Variants in C6orf15 observed in about 807,000 individuals in gnomAD.
C6orf15 encodes chromosome 6 open reading frame 15, also known as uncharacterized protein C6orf15.
A neutral mutation model predicts 2.8 loss-of-function variants in C6orf15; 5 were observed. That is an observed-to-expected ratio of 1.80 (90% CI 0.94 to 3.78). The LOEUF (loss-of-function observed/expected upper bound fraction) is 3.78. Ranked by LOEUF, C6orf15 falls within the 30% of genes most tolerant of loss-of-function variation. The pLI, the probability that C6orf15 is intolerant of heterozygous loss-of-function variation, is 0.00. For synonymous variants in C6orf15, 145 were observed against 163.2 expected (o/e 0.89, Z 0.85); for missense variants, 363 against 418.8 (o/e 0.87, Z 1.16).
rs1299760423 is a variant in C6orf15, at chr6:31,111,245, T to C, written c.*136A>G. ...AAATTCCATAAGTGCTTTTATTTTA[T>C]TGGAGATGAGCAGGGGAGGCACTGA... On this transcript the variant is annotated 3_prime_UTR_variant, in exon 2 of 2. Transcript: ENST00000259870. 2.7e-6 allele frequency: 2 copies of C among 750,694 alleles called. No individual in the cohort carries two copies. The highest frequency in any genetic ancestry group is 1.8e-5 in the African/African-American group (1 of 56,534). 46.5% of individuals were successfully genotyped at this position (750,694 alleles called of 1,614,324 possible).
Position 31,111,742 on chromosome 6 carries a change from T to TACCC in C6orf15, c.616_617insGGGT (p.Asp206GlyfsTer32), listed in dbSNP as rs769110438. The TACCC allele has an allele frequency of 1.9e-6, 3 of 1,611,894 alleles. No individual in the cohort carries two copies. The South Asian group carries it at 3.3e-5, about 18-fold the overall frequency. On this transcript the variant is annotated frameshift_variant, in exon 2 of 2. Transcript: ENST00000259870. LOFTEE classifies it low-confidence loss of function (END_TRUNC). ...GGGATTCAGGGTACCCCAGGGGTGA[T>TACCC]CAGGCAGAACCCTGTGGATGAGAGA...
chr6:31,112,465 C>A, intron 1 of C6orf15, 24 bp downstream of exon 1: 1 of 1,541,492 alleles, frequency 6.5e-7, no homozygotes, highest in Non-Finnish European at 8.8e-7. Flanking sequence ...TCCCTCCTGC[C>A]CAAGGGCATC....
intron 1 of C6orf15, 51 bp from the exon 2 acceptor site, chr6:31,112,342 C>T: frequency 6.5e-7 from 1 of 1,548,528 alleles, no homozygotes; most frequent in Middle Eastern, 1.7e-4. Flanking sequence ...CCCCGAGTCC[C>T]CAGTTCCCTT....
Position 31,111,968 on chromosome 6 carries a change from G to A in C6orf15, c.391C>T (p.Leu131=), listed in dbSNP as rs1383501957. 2 of 1,613,104 alleles carry A rather than the reference G, an allele frequency of 1.2e-6. No individual in the cohort carries two copies. The highest frequency in any genetic ancestry group is 1.7e-5 in the Admixed American group (1 of 60,002). Residue 131 remains leucine (L), a synonymous_variant, in exon 2 of 2, where the codon CTG becomes TTG. Coordinates refer to ENST00000259870, the MANE Select transcript of C6orf15 (RefSeq NM_014070.3). ...AAAEDRLGEA[L]PEELSYLSSA... ...GAGAGGTAAGAGAGTTCTTCAGGCA[G>A]CGCTTCCCCCAGGCGGTCCTCAGCC...
rs1201147751 is a variant in C6orf15, at chr6:31,111,941, T to G, written c.418A>C (p.Ser140Arg). The G allele has an allele frequency of 6.2e-7, 1 of 1,612,984 alleles. No homozygotes were observed. The highest frequency in any genetic ancestry group is 8.5e-7 in the Non-Finnish European group (1 of 1,179,966). Residue 140 changes from serine to arginine, a missense_variant, in exon 2 of 2, where the codon AGT (serine) becomes CGT (arginine). Coordinates refer to ENST00000259870, the MANE Select transcript of C6orf15 (RefSeq NM_014070.3). ...ALPEELSYLS[S>R]AAALAPGSGP... is the part of the protein sequence containing the mutation. ...CTGCCCGGAGCGAGGGCCGCAGCAC[T>G]GGAGAGGTAAGAGAGTTCTTCAGGC...
intron 1 of C6orf15, 98 bp downstream of exon 1, chr6:31,112,391 C>T: frequency 2.1e-6 from 3 of 1,451,588 alleles, no homozygotes; most frequent in South Asian, 2.6e-5. Context: ...CCCTCAGGGA[C>T]CTAAATGTGT....
rs766999136 is a variant in C6orf15, at chr6:31,111,595, C to T, written c.764G>A (p.Arg255Gln). 20 of 1,607,398 alleles carry T rather than the reference C, an allele frequency of 1.2e-5. No individual in the cohort carries two copies. The highest frequency in any genetic ancestry group is 4.1e-5 in the African/African-American group (3 of 72,636). The change falls in exon 2 of 2, where the codon CGG becomes CAG. Residue 255 changes from arginine (R) to glutamine (Q), a missense_variant. Arg to Gln is a conservative substitution (Grantham distance 43). Transcript: ENST00000259870. ...PPGTSWGNIN[R>Q]YPGGSWGNIN... ...ATTTCCCCAGCTGCCTCCTGGATACCGATTAATATTTCCCCAGCTGGTACC... is the reference window on the plus strand; with the variant it reads ...ATTTCCCCAGCTGCCTCCTGGATACTGATTAATATTTCCCCAGCTGGTACC...
Position 31,111,764 on chromosome 6 carries a change from G to T in C6orf15, c.595C>A (p.Leu199Ile). 6.2e-7 allele frequency: 1 copy of T among 1,612,832 alleles called. No homozygotes were observed. ...KILSQRPPWS[L>I]IHRVLPDHPW... ...TGATCAGGCAGAACCCTGTGGATGA[G>T]AGACCAGGGAGGGCGTTGGGAAAGG... Residue 199 changes from leucine to isoleucine, a missense_variant, in exon 2 of 2, where the codon CTC becomes ATC. Physicochemically the swap from Leu to Ile is conservative, Grantham distance 5. Coordinates refer to ENST00000259870, the MANE Select transcript of C6orf15 (RefSeq NM_014070.3).
chr6:31,111,685 G>C lies in C6orf15; in HGVS notation c.674C>G (p.Thr225Ser). Residue 225 changes from threonine to serine, a missense_variant, in exon 2 of 2, where the codon ACT becomes AGT. Physicochemically the swap from Thr to Ser is moderately conservative, Grantham distance 58 (BLOSUM62 1). Coordinates refer to ENST00000259870, the MANE Select transcript of C6orf15 (RefSeq NM_014070.3). ...TGGCATGGGCCTCGTTCCCCAACCA[G>C]TCCCAGGGCCTCCACCTCCCCAGGA... is the stretch of plus-strand genomic sequence containing the variant. ...SVSWGGGGPGTGWGTRPMPHP... is the reference protein window; with the variant it reads ...SVSWGGGGPGSGWGTRPMPHP... The C allele has an allele frequency of 1.9e-6, 3 of 1,609,796 alleles. No individual in the cohort carries two copies. The highest frequency in any genetic ancestry group is 1.7e-4 in the Middle Eastern group (1 of 6,048).
Position 31,111,654 on chromosome 6 carries a change from A to G in C6orf15, c.705T>C (p.Pro235=). ...GATTATTGATACCCCAGATTCCCTC[A>G]GGGTGTGGCATGGGCCTCGTTCCCC... The part of the protein sequence containing the change: ...TGWGTRPMPH[P]EGIWGINNQP... Residue 235 remains proline (P), a synonymous_variant, in exon 2 of 2, where the codon CCT becomes CCC. Coordinates refer to ENST00000259870, the MANE Select transcript of C6orf15 (RefSeq NM_014070.3). 6.2e-7 allele frequency: 1 copy of G among 1,612,454 alleles called. No individual in the cohort carries two copies. Among genetic ancestry groups the G allele is most frequent in the African/African-American group, 1.3e-5 (1 of 74,982 alleles).
chr6:31,112,354 G>A (rs527270721), intron 1 of C6orf15, 63 bp from the exon 2 acceptor site: 44 of 1,518,636 alleles, frequency 2.9e-5, no homozygotes, highest in Non-Finnish European at 3.7e-5. Context: ...AGTTCCCTTT[G>A]CTTCCCCTAT....
chr6:31,111,391 T>C lies in C6orf15; in HGVS notation c.968A>G (p.Gln323Arg). ...GFPNPPSPRLQWG is the reference protein window; with the variant it reads ...GFPNPPSPRLRWG ...TCCCTCTATCGTGCTCTAGCCCCAC[T>C]GCAACCTAGGGCTTGGAGGATTAGG... Residue 323 changes from glutamine (Q) to arginine (R), a missense_variant, in exon 2 of 2, where the codon CAG becomes CGG. Physicochemically the swap from Gln to Arg is conservative, Grantham distance 43 (BLOSUM62 1). Coordinates refer to ENST00000259870, the MANE Select transcript of C6orf15 (RefSeq NM_014070.3). The C allele has an allele frequency of 1.3e-6, 2 of 1,598,984 alleles. No individual in the cohort carries two copies. Among genetic ancestry groups the C allele is most frequent in the South Asian group, 1.1e-5 (1 of 90,350 alleles).
At position 31,111,292 on chromosome 6, in the gene C6orf15, A is replaced by G; in HGVS notation, c.*89T>C. On this transcript the variant is annotated 3_prime_UTR_variant, in exon 2 of 2. Coordinates refer to ENST00000259870, the MANE Select transcript of C6orf15 (RefSeq NM_014070.3). ...CTGAAAAGTGGGGATAGTGCTGGAA[A>G]CATGCTGACAGGGCCTGGATTGAGC... 8.2e-7 allele frequency: 1 copy of G among 1,212,390 alleles called. No homozygotes were observed. Among genetic ancestry groups the G allele is most frequent in the Non-Finnish European group, 1.1e-6 (1 of 878,832 alleles). 75.1% of individuals were successfully genotyped at this position (1,212,390 alleles called of 1,614,324 possible). A position where few individuals can be genotyped will look rare whatever the true frequency, so the allele number is the denominator to read the frequency against.
chr6:31,111,499 T>G lies in C6orf15; in HGVS notation c.860A>C (p.His287Pro). ...TGGGTTATTGATACCTGGGTATAGA[T>G]GAATATTCCCCCAGCTGCCTCCTGG... Reference protein sequence around the residue: ...RYPGGSWGNIHLYPGINNPFP... With the variant: ...RYPGGSWGNIPLYPGINNPFP... Residue 287 changes from histidine to proline, a missense_variant, in exon 2 of 2, where the codon CAT becomes CCT. Physicochemically the swap from His to Pro is moderately conservative, Grantham distance 77 (BLOSUM62 -2). Transcript: ENST00000259870. The G allele has an allele frequency of 1.2e-6, 2 of 1,612,862 alleles. No homozygotes were observed. Among genetic ancestry groups the G allele is most frequent in the Non-Finnish European group, 1.7e-6 (2 of 1,179,934 alleles).
Position 31,111,503 on chromosome 6 carries a change from T to C in C6orf15, c.856A>G (p.Ile286Val), listed in dbSNP as rs1771773704. 3.1e-6 allele frequency: 5 copies of C among 1,605,590 alleles called. No individual in the cohort carries two copies. Among genetic ancestry groups the C allele is most frequent in the Non-Finnish European group, 4.3e-6 (5 of 1,175,054 alleles). ...NRYPGGSWGNIHLYPGINNPF... is the reference protein window; with the variant it reads ...NRYPGGSWGNVHLYPGINNPF... Reference sequence around the variant, plus strand: ...TTATTGATACCTGGGTATAGATGAATATTCCCCCAGCTGCCTCCTGGATAC... The same window carrying C: ...TTATTGATACCTGGGTATAGATGAACATTCCCCCAGCTGCCTCCTGGATAC... Residue 286 changes from isoleucine (I) to valine (V), a missense_variant, in exon 2 of 2, where the codon ATT (isoleucine) becomes GTT (valine). Physicochemically the swap from Ile to Val is conservative, Grantham distance 29. Coordinates refer to ENST00000259870, the MANE Select transcript of C6orf15 (RefSeq NM_014070.3).
Position 31,111,916 on chromosome 6 carries a change from C to T in C6orf15, c.443G>A (p.Ser148Asn). 6.2e-7 allele frequency: 1 copy of T among 1,612,990 alleles called. No homozygotes were observed. ...LSSAAALAPG[S>N]GPLPGESSPD... ...AGAAGACTCCCCAGGCAAAGGGCCA[C>T]TGCCCGGAGCGAGGGCCGCAGCACT... The change falls in exon 2 of 2, where the codon AGT (serine) becomes AAT (asparagine). Residue 148 changes from serine to asparagine, a missense_variant. By Grantham distance (46) the Ser-to-Asn change is conservative (BLOSUM62 1). Transcript: ENST00000259870.
At chr6:31,112,457 C>T in intron 1 of C6orf15, 32 bp downstream of exon 1, 3 of 1,523,348 alleles carry the variant, frequency 2.0e-6, no homozygotes, top group Non-Finnish European at 2.7e-6. Flanking sequence ...ACCTCCAGTC[C>T]CTCCTGCCCA....
chr6:31,112,075 A>C lies in C6orf15; in HGVS notation c.284T>G (p.Val95Gly). 6.2e-7 allele frequency: 1 copy of C among 1,614,078 alleles called. No individual in the cohort carries two copies. Among genetic ancestry groups the C allele is most frequent in the Non-Finnish European group, 8.5e-7 (1 of 1,179,948 alleles). The change falls in exon 2 of 2, where the codon GTG becomes GGG. Residue 95 changes from valine (V) to glycine (G), a missense_variant. Coordinates refer to ENST00000259870, the MANE Select transcript of C6orf15 (RefSeq NM_014070.3). ...CCCCCACGATGGAGGCCACCTCTGC[A>C]CTGCAGAACCTCCTGCAGGTGGGAA... ...DGFPPAGGSA[V>G]QRWPPSWGLP...
At chr6:31,112,382 C>T (rs867874014) in intron 1 of C6orf15, 91 bp from the exon 2 acceptor site, 1 of 1,464,034 alleles carries the variant, frequency 6.8e-7, no homozygotes, top group Middle Eastern at 1.8e-4. Context: ...CTTCCTTTTC[C>T]CTCAGGGACC....
Sources: gnomAD v4.1 joint callset for allele counts on GRCh38, gnomAD v4.1.1 for gene constraint, MANE v1.5 for transcripts, NCBI Gene and HGNC (gene_info 2026-07-23, HGNC 2026-07-21) for gene names.